The following PCDH9 variants were observed in gnomAD, a reference collection of about 807,000 sequenced individuals.
PCDH9 encodes the protein protocadherin-9.
PCDH9 carries 24 observed loss-of-function variants against 70.6 expected under a neutral mutation model. The ratio of observed to expected loss-of-function variants is 0.34; its 90% confidence interval spans 0.25 to 0.48. The LOEUF (loss-of-function observed/expected upper bound fraction) is 0.48, where lower values mean the gene tolerates loss of function less well. Ranked by LOEUF, PCDH9 falls within the 20% of genes least tolerant of loss-of-function variation. The pLI is 0.99. For missense variants in PCDH9, 1,281 were observed against 1,503.6 expected (o/e 0.85, Z 2.45); for synonymous variants, 562 against 558.5 (o/e 1.01, Z -0.09).
At chr13:66,637,596 T>C (rs2138954141) in intron 3 of PCDH9, among the ~76,000 whole-genome samples, 1 of 152,302 alleles carries the variant, frequency 6.6e-6, no homozygotes, top group African/African-American at 2.4e-5. Context: ...TCACATCCTT[T>C]TTTGAGTGGG....
chr13:66,317,251 T>C (rs1955670912), intron 4 of PCDH9, among the ~76,000 whole-genome samples: 2 of 152,142 alleles, frequency 1.3e-5, no homozygotes, highest in Non-Finnish European at 2.9e-5. Flanking sequence ...CTCAGACTGG[T>C]GAGCCAACAG....
At chr13:67,128,479 T>C (rs1054003608) in intron 2 of PCDH9, among the ~76,000 whole-genome samples, 1 of 152,194 alleles carries the variant, frequency 6.6e-6, no homozygotes, top group East Asian at 1.9e-4. Context: ...TTACATGACC[T>C]CGTGCTGAAA....
At chr13:67,066,583 A>G (rs1217452694) in intron 2 of PCDH9, among the ~76,000 whole-genome samples, 2 of 152,184 alleles carry the variant, frequency 1.3e-5, no homozygotes, top group Non-Finnish European at 2.9e-5. Flanking sequence ...GCATGGTTCA[A>G]TTTAAGCCAG....
At chr13:66,478,243 G>C (rs563340648) in intron 4 of PCDH9, among the ~76,000 whole-genome samples, 145 of 152,252 alleles carry the variant, frequency 9.5e-4, no homozygotes, top group African/African-American at 3.3e-3. Flanking sequence ...GGTTCTGACT[G>C]CTCCACCAAC....
At chr13:66,708,560 T>C (rs889727024) in intron 3 of PCDH9, among the ~76,000 whole-genome samples, 2 of 152,138 alleles carry the variant, frequency 1.3e-5, no homozygotes, top group Non-Finnish European at 1.5e-5. Context: ...TATGCAGATA[T>C]CCTTTAATGA....
At chr13:67,122,635 G>A (rs994981820) in intron 2 of PCDH9, among the ~76,000 whole-genome samples, 2 of 151,880 alleles carry the variant, frequency 1.3e-5, no homozygotes. Context: ...TTAGCTGGGT[G>A]TAGTGATGCG....
chr13:67,035,680 A>C (rs1166103349), intron 2 of PCDH9, among the ~76,000 whole-genome samples: 1 of 151,696 alleles, frequency 6.6e-6, no homozygotes, highest in Non-Finnish European at 1.5e-5. Context: ...ATGTGAACAT[A>C]AACGAACTTT....
chr13:66,646,270 T>A (rs1166154019), intron 3 of PCDH9, among the ~76,000 whole-genome samples: 1 of 152,246 alleles, frequency 6.6e-6, no homozygotes, highest in African/African-American at 2.4e-5. Context: ...GGGTGCTTAA[T>A]AATGGTATCC....
intron 4 of PCDH9, among the ~76,000 whole-genome samples, chr13:66,307,843 T>C (rs1214600678): frequency 6.6e-6 from 1 of 152,132 alleles, no homozygotes; most frequent in Non-Finnish European, 1.5e-5. Context: ...TGTGCGCGTT[T>C]ATAAGAATAT....
intron 2 of PCDH9, among the ~76,000 whole-genome samples, chr13:67,112,331 T>C (rs1056910117): frequency 6.6e-6 from 1 of 152,226 alleles, no homozygotes; most frequent in Admixed American, 6.5e-5. Flanking sequence ...GATTGCCATT[T>C]AATATGTGAA....
At chr13:66,459,692 T>G (rs997176075) in intron 4 of PCDH9, among the ~76,000 whole-genome samples, 1 of 151,996 alleles carries the variant, frequency 6.6e-6, no homozygotes, top group Admixed American at 6.6e-5. Context: ...TACTTCACTT[T>G]CTTAATTAAC....
At chr13:67,091,689 T>G (rs2086221991) in intron 2 of PCDH9, among the ~76,000 whole-genome samples, 1 of 152,194 alleles carries the variant, frequency 6.6e-6, no homozygotes, top group South Asian at 2.1e-4. Context: ...TTAATACCAA[T>G]GTAATCATTA....
At chr13:66,646,336 G>A (rs1459889192) in intron 3 of PCDH9, among the ~76,000 whole-genome samples, 1 of 152,002 alleles carries the variant, frequency 6.6e-6, no homozygotes, top group African/African-American at 2.4e-5. Context: ...GATTTTCACT[G>A]TATTTTCTGA....
chr13:67,037,119 C>T (rs2085025266), intron 2 of PCDH9, among the ~76,000 whole-genome samples: 1 of 152,136 alleles, frequency 6.6e-6, no homozygotes, highest in South Asian at 2.1e-4. Flanking sequence ...TCCCCTTCAA[C>T]TTTCCACGAA....
At chr13:66,739,521 T>G (rs373302968) in intron 3 of PCDH9, among the ~76,000 whole-genome samples, 88 of 143,330 alleles carry the variant, frequency 6.1e-4, no homozygotes, top group Non-Finnish European at 7.7e-4. Flanking sequence ...TGGACTAAAT[T>G]CTCCAATTAA....
chr13:67,075,478 C>CA (rs2085860206), intron 2 of PCDH9, among the ~76,000 whole-genome samples: 2 of 152,246 alleles, frequency 1.3e-5, no homozygotes, highest in African/African-American at 4.8e-5. Context: ...TTGCCATTCT[C>CA]TGCTACAGCC....
chr13:67,039,782 T>C (rs1336572998), intron 2 of PCDH9, among the ~76,000 whole-genome samples: 1 of 152,184 alleles, frequency 6.6e-6, no homozygotes, highest in African/African-American at 2.4e-5. Context: ...GGAGCTTTGG[T>C]AACCTCCGAC....
chr13:67,120,950 A>G (rs747155399), intron 2 of PCDH9, among the ~76,000 whole-genome samples: 9 of 152,074 alleles, frequency 5.9e-5, no homozygotes, highest in Admixed American at 4.6e-4. Context: ...AACTAAAAAC[A>G]TTATTCTATT....
At chr13:67,105,392 A>C (rs2149321) in intron 2 of PCDH9, among the ~76,000 whole-genome samples, 150,231 of 152,146 alleles carry the variant, frequency 0.99, 74,190 homozygotes, top group Middle Eastern at 1. Flanking sequence ...ACACCATATT[A>C]TTTGGCTACT....
Sources: gnomAD v4.1 joint callset for allele counts (sites outside exome capture counted in the v4.1 genomes callset) on GRCh38, gnomAD v4.1.1 for gene constraint, MANE v1.5 for transcripts, NCBI Gene and HGNC (gene_info 2026-07-23, HGNC 2026-07-21) for gene names.